PJA2: variants seen among roughly 807,000 people sequenced by gnomAD.
PJA2 encodes praja ring finger ubiquitin ligase 2.
A neutral mutation model predicts 69.3 loss-of-function variants in PJA2; 25 were observed. That is an observed-to-expected ratio of 0.36 (90% confidence interval 0.26 to 0.50). PJA2 has a LOEUF of 0.50. Among genes scored for constraint, PJA2 ranks in the 20% least tolerant of loss-of-function variants. PJA2 has a pLI of 0.96. For missense variants in PJA2, 809 were observed against 830.2 expected (o/e 0.97, Z 0.31); for synonymous variants, 308 against 277.8 (o/e 1.11, Z -1.08).
intron 6 of PJA2, among the ~76,000 whole-genome samples, chr5:109,360,395 T>C (rs1484708330): frequency 6.6e-6 from 1 of 152,200 alleles, no homozygotes; most frequent in Admixed American, 6.5e-5. Flanking sequence ...TAGAGGACTT[T>C]TTCCATTTTC....
At chr5:109,407,927 C>G (rs951474509) in intron 1 of PJA2, among the ~76,000 whole-genome samples, 4 of 152,084 alleles carry the variant, frequency 2.6e-5, no homozygotes, top group Non-Finnish European at 4.4e-5. Flanking sequence ...CCAAATTAAT[C>G]TAAAATTTCA....
chr5:109,350,108 T>C (rs1300605076), intron 7 of PJA2, among the ~76,000 whole-genome samples: 1 of 152,176 alleles, frequency 6.6e-6, no homozygotes, highest in Non-Finnish European at 1.5e-5. Context: ...AATGGGTTCA[T>C]TATCTCTTTC....
chr5:109,342,553 C>T (rs1319584870), intron 9 of PJA2, among the ~76,000 whole-genome samples: 6 of 110,414 alleles, frequency 5.4e-5, no homozygotes, highest in Admixed American at 2.5e-4. Flanking sequence ...CCCGGCCAGC[C>T]GCCCCGTCCG....
intron 2 of PJA2, among the ~76,000 whole-genome samples, chr5:109,383,084 A>C (rs1747087170): frequency 1.3e-5 from 2 of 152,174 alleles, no homozygotes; most frequent in South Asian, 4.1e-4. Context: ...AGTTAAAATT[A>C]AGTGTTGGAT....
At chr5:109,398,129 C>T (rs745505501) in intron 1 of PJA2, among the ~76,000 whole-genome samples, 10 of 152,070 alleles carry the variant, frequency 6.6e-5, no homozygotes, top group Non-Finnish European at 8.8e-5. Context: ...GTCAGAATGG[C>T]GATCGTTAAA....
chr5:109,354,536 CT>C (rs144365841), intron 7 of PJA2, among the ~76,000 whole-genome samples: 187 of 18,374 alleles, frequency 0.01, 32 homozygotes, highest in African/African-American at 0.03. Context: ...TCTATAATAT[CT>C]ATAGATATCT....
rs1291208903 is a variant in PJA2 at position 109,379,093 on chromosome 5, A to C, written c.394T>G (p.Leu132Val). ...TTATGAAGATTTGTACTGCTTCCTA[A>C]GGTATCCCTGCCTTCCTCACTGTGA... Reference protein sequence around the residue: ...VHHSEEGRDTLGSSTNLHNHS... With the variant: ...VHHSEEGRDTVGSSTNLHNHS... The change falls in exon 4 of 10, where the codon TTA (leucine) becomes GTA (valine). Residue 132 changes from leucine to valine, a missense_variant. Leu to Val is a conservative substitution (Grantham distance 32, BLOSUM62 1). Around this residue, in one of 4 missense-constraint regions of PJA2, gnomAD observed 700 missense variants for 639.5 expected, o/e 1.09. Transcript: ENST00000361189. The C allele has an allele frequency of 1.2e-6, 2 of 1,613,956 alleles. No individual in the cohort carries two copies. The highest frequency in any genetic ancestry group is 2.7e-5 in the African/African-American group (2 of 74,908).
chr5:109,374,551 G>A (rs914248779), intron 4 of PJA2, among the ~76,000 whole-genome samples: 1 of 152,162 alleles, frequency 6.6e-6, no homozygotes, highest in African/African-American at 2.4e-5. Flanking sequence ...ATTATGATTT[G>A]TATTAACAGG....
At chr5:109,397,698 T>A (rs534021890) in intron 1 of PJA2, among the ~76,000 whole-genome samples, 54 of 151,632 alleles carry the variant, frequency 3.6e-4, no homozygotes, top group African/African-American at 1.2e-3. Flanking sequence ...TTTGTTTTTT[T>A]TTTCTAGTAG....
intron 1 of PJA2, among the ~76,000 whole-genome samples, chr5:109,404,708 C>A (rs942593828): frequency 2.6e-5 from 4 of 152,090 alleles, no homozygotes; most frequent in Middle Eastern, 3.4e-3. Flanking sequence ...TATAAGCACA[C>A]GAATCCATTA....
chr5:109,352,480 G>A (rs1194061504), intron 7 of PJA2, among the ~76,000 whole-genome samples: 1 of 152,096 alleles, frequency 6.6e-6, no homozygotes, highest in East Asian at 1.9e-4. Flanking sequence ...TCTGATGCAA[G>A]TTACCATGCT....
chr5:109,377,489 G>C (rs1279066939), intron 4 of PJA2, among the ~76,000 whole-genome samples: 1 of 152,110 alleles, frequency 6.6e-6, no homozygotes, highest in Non-Finnish European at 1.5e-5. Context: ...GGGTTTGTAA[G>C]AGCAATCAGA....
chr5:109,372,096 G>A (rs1021192298), intron 4 of PJA2, among the ~76,000 whole-genome samples: 3 of 152,106 alleles, frequency 2.0e-5, no homozygotes, highest in African/African-American at 7.2e-5. Context: ...ATTAAGTCCT[G>A]AATTTGATGT....
intron 3 of PJA2, among the ~76,000 whole-genome samples, chr5:109,380,088 T>C (rs1258732630): frequency 6.2e-5 from 3 of 48,040 alleles, no homozygotes; most frequent in African/African-American, 1.6e-4. Flanking sequence ...GAAGGGTTCT[T>C]TTTTTTTTTT....
intron 4 of PJA2, among the ~76,000 whole-genome samples, chr5:109,369,962 G>A (rs748731665): frequency 1.3e-5 from 2 of 151,124 alleles, no homozygotes; most frequent in African/African-American, 2.4e-5. Context: ...AACTTGGGAG[G>A]TGGAGGTTGC....
chr5:109,342,495 G>A (rs1229256596), intron 9 of PJA2, among the ~76,000 whole-genome samples: 6 of 124,174 alleles, frequency 4.8e-5, no homozygotes, highest in South Asian at 5.3e-4. Context: ...CCCCCCGCCC[G>A]GCCAGCCACC....
intron 1 of PJA2, among the ~76,000 whole-genome samples, chr5:109,393,718 A>G (rs1297404996): frequency 6.6e-6 from 1 of 151,754 alleles, no homozygotes; most frequent in East Asian, 1.9e-4. Flanking sequence ...AATGTTCAAC[A>G]GCAAAATGGG....
chr5:109,400,501 G>C (rs1392977920), intron 1 of PJA2, among the ~76,000 whole-genome samples: 1 of 146,092 alleles, frequency 6.8e-6, no homozygotes, highest in Non-Finnish European at 1.5e-5. Context: ...GGGGAAGGGC[G>C]GGGGGGTGTC....
intron 1 of PJA2, among the ~76,000 whole-genome samples, chr5:109,395,553 C>A (rs959212880): frequency 6.6e-6 from 1 of 152,036 alleles, no homozygotes; most frequent in African/African-American, 2.4e-5. Flanking sequence ...AATCTTCCCA[C>A]AAGGAAAACA....
Sources: allele counts gnomAD v4.1 joint callset (sites outside exome capture counted in the v4.1 genomes callset), GRCh38; gene constraint gnomAD v4.1.1; regional missense constraint gnomAD v4.1.1; transcripts MANE v1.5; gene names NCBI Gene and HGNC (gene_info 2026-07-23, HGNC 2026-07-21).